The following SYNJ2 variants were observed in gnomAD, a reference collection of about 807,000 sequenced individuals.
The protein encoded by SYNJ2 is synaptojanin 2.
A neutral mutation model predicts 141.3 loss-of-function variants in SYNJ2; 116 were observed. The ratio of observed to expected loss-of-function variants is 0.82; its 90% CI spans 0.71 to 0.96. SYNJ2 has a LOEUF of 0.96. Ranked by LOEUF, SYNJ2 falls within the 40% of genes least tolerant of loss-of-function variation. The pLI is 0.00. For missense variants in SYNJ2, 1,873 were observed against 1,934.8 expected, an observed-to-expected ratio of 0.97 and a Z score of 0.60; for synonymous variants, 745 against 777.7, an observed-to-expected ratio of 0.96 and a Z score of 0.70.
chr6:158,069,594 TAC>T lies in SYNJ2; in HGVS notation c.1863_1864del (p.Ile622SerfsTer62), dbSNP rs1263828058. On this transcript the variant is annotated frameshift_variant, in exon 14 of 27. Transcript: ENST00000355585. LOFTEE classifies it high-confidence loss of function. ...GAAAGCCATCTCACGCTCTCATAGA[TAC>T]ATTCTGTTGACTTCGGCACAGCTGG... ...LQKAISRSHR[Y>X]ILLTSAQLVG... 6.2e-7 allele frequency: 1 copy of T among 1,614,162 alleles called. No homozygotes were observed. The highest frequency in any genetic ancestry group is 1.1e-5 in the South Asian group (1 of 91,088).
intron 7 of SYNJ2, 64 bp from the exon 8 acceptor site, chr6:158,061,928 G>A: frequency 6.5e-7 from 1 of 1,536,140 alleles, no homozygotes; most frequent in Non-Finnish European, 8.9e-7. Context: ...GCTCTGCAAG[G>A]AGCTTGCCCT....
At position 157,982,191 on chromosome 6, in the gene SYNJ2, G is replaced by T. The variant is rs772351717; in HGVS notation, c.127+103G>T. 1 of 1,233,446 alleles carries T rather than the reference G, an allele frequency of 8.1e-7. No homozygotes were observed. The allele number at this position is 1,233,446 out of a possible 1,614,324, so 76.4% of individuals were successfully genotyped here. ...CCCCTTCCCGAGGGGATCGGGCGGC[G>T]CTGGGACTGCCGGGGCGTAGGGGTC... On this transcript the variant is annotated intron_variant, in intron 1 of 26. Coordinates refer to ENST00000355585, the MANE Select transcript of SYNJ2 (RefSeq NM_003898.4). The surrounding 1 kb of genome is among the most constrained non-coding windows in gnomAD (Gnocchi z 4.0).
chr6:158,059,366 T>C lies in SYNJ2; in HGVS notation c.954+13T>C. The C allele has an allele frequency of 6.5e-7, 1 of 1,549,298 alleles. No homozygotes were observed. The highest frequency in any genetic ancestry group is 8.7e-7 in the Non-Finnish European group (1 of 1,146,446). ...CAGAGCCTTCAAGGTAAGGCCAGGC[T>C]GTCCTCTCCACAGCTGGGCTGGGCG... On this transcript the variant is annotated intron_variant, in intron 7 of 26. Coordinates refer to ENST00000355585, the MANE Select transcript of SYNJ2 (RefSeq NM_003898.4).
chr6:157,987,212 C>T (rs530971499), intron 1 of SYNJ2, among the ~76,000 whole-genome samples: 2 of 152,180 alleles, frequency 1.3e-5, no homozygotes, highest in African/African-American at 2.4e-5. Context: ...GTATCGAACT[C>T]CTGACCTCAG....
intron 2 of SYNJ2, among the ~76,000 whole-genome samples, chr6:158,020,774 T>A (rs894289992): frequency 1.3e-5 from 2 of 152,252 alleles, no homozygotes; most frequent in African/African-American, 4.8e-5. Flanking sequence ...CCTTTCAATG[T>A]TTTTAGCTAA....
At chr6:158,031,220 G>C (rs984956246) in intron 3 of SYNJ2, among the ~76,000 whole-genome samples, 1 of 152,232 alleles carries the variant, frequency 6.6e-6, no homozygotes, top group African/African-American at 2.4e-5. Context: ...TTTTAAACCA[G>C]AACTGTCAGG....
chr6:158,016,967 C>T (rs1778485383), intron 1 of SYNJ2: 2 of 1,213,722 alleles, frequency 1.6e-6, no homozygotes, highest in East Asian at 3.8e-5. Context: ...TCCTCCAGCC[C>T]CCAGGAAGCT....
Position 158,084,025 on chromosome 6 carries a change from A to G in SYNJ2, c.3059A>G (p.Asp1020Gly), listed in dbSNP as rs746202119. ...SEGDILEDDE[D>G]YLVDEFNQPG... Reference sequence around the variant, plus strand: ...GGGGATATTCTTGAAGACGATGAAGACTACTTGGTGGATGAATTCAATCAG... The same window carrying G: ...GGGGATATTCTTGAAGACGATGAAGGCTACTTGGTGGATGAATTCAATCAG... Residue 1020 changes from aspartate to glycine, a missense_variant, in exon 22 of 27, where the codon GAC (aspartate) becomes GGC (glycine). Physicochemically the swap from Asp to Gly is moderately conservative, Grantham distance 94 (BLOSUM62 -1). Transcript: ENST00000355585. This position sits in a 1 kb window ranked among gnomAD's most constrained non-coding sequence, Gnocchi z 5.0. 1 of 1,613,990 alleles carries G rather than the reference A, an allele frequency of 6.2e-7. No homozygotes were observed. Among genetic ancestry groups the G allele is most frequent in the African/African-American group, 1.3e-5 (1 of 74,898 alleles).
chr6:158,087,260 G>A (rs552494371), intron 23 of SYNJ2, among the ~76,000 whole-genome samples: 7 of 152,182 alleles, frequency 4.6e-5, no homozygotes, highest in Admixed American at 1.3e-4. Context: ...TCCCTTGGCA[G>A]CATTAGAGGA....
chr6:158,089,931 C>T lies in SYNJ2; in HGVS notation c.3549C>T (p.Leu1183=), dbSNP rs1430023955. Reference sequence around the variant, plus strand: ...AGGCAGAAGCAGCAATCCGGTGTCTCCTGGAAGCCAGAGGAGGTAGGTGCT... The same window carrying T: ...AGGCAGAAGCAGCAATCCGGTGTCTTCTGGAAGCCAGAGGAGGTAGGTGCT... ...AQEAEAAIRC[L]LEARGGASEE... The change falls in exon 25 of 27, where the codon CTC becomes CTT. Residue 1183 remains leucine, a synonymous_variant. Coordinates refer to ENST00000355585, the MANE Select transcript of SYNJ2 (RefSeq NM_003898.4). 6.2e-7 allele frequency: 1 copy of T among 1,613,846 alleles called. No individual in the cohort carries two copies. The highest frequency in any genetic ancestry group is 1.3e-5 in the African/African-American group (1 of 74,912).
At chr6:158,051,976 G>GAAGAAT (rs944355136) in intron 5 of SYNJ2, among the ~76,000 whole-genome samples, 1 of 151,498 alleles carries the variant, frequency 6.6e-6, no homozygotes, top group East Asian at 1.9e-4. Context: ...AAAAGAAGAA[G>GAAGAAT]AAGAATAAGA....
At chr6:158,018,751 C>A (rs551692274) in intron 2 of SYNJ2, among the ~76,000 whole-genome samples, 40 of 152,344 alleles carry the variant, frequency 2.6e-4, no homozygotes, top group African/African-American at 8.7e-4. Context: ...TCTTTGTCCC[C>A]GTTTACAGTA....
chr6:157,982,365 TG>T lies in SYNJ2; in HGVS notation c.127+281del, dbSNP rs1777047374. On this transcript the variant is annotated intron_variant, in intron 1 of 26. Coordinates refer to ENST00000355585, the MANE Select transcript of SYNJ2 (RefSeq NM_003898.4). The surrounding 1 kb of genome is among the most constrained non-coding windows in gnomAD (Gnocchi z 4.0). ...AGGATATGGTTGCTGGATAGCCGGC[TG>T]GGGCGCTTTGCGTATTCATGAGGAT... 6.6e-6 allele frequency among the ~76,000 whole-genome samples: 1 copy of T among 152,218 alleles called. No homozygotes were observed. The highest frequency in any genetic ancestry group is 1.5e-5 in the Non-Finnish European group (1 of 68,026).
chr6:158,074,218 C>T (rs1490231820), intron 15 of SYNJ2, among the ~76,000 whole-genome samples: 5 of 152,160 alleles, frequency 3.3e-5, no homozygotes, highest in East Asian at 3.8e-4. Flanking sequence ...ATTCTCCTAA[C>T]GCTGAATGCT....
At chr6:158,006,443 C>G (rs1778073684) in intron 1 of SYNJ2, among the ~76,000 whole-genome samples, 1 of 152,184 alleles carries the variant, frequency 6.6e-6, no homozygotes, top group South Asian at 2.1e-4. Context: ...CAGCCTCTGA[C>G]CTGCTGACTG....
Position 158,062,003 on chromosome 6 carries a change from G to C in SYNJ2, c.966G>C (p.Trp322Cys). 6.2e-7 allele frequency: 1 copy of C among 1,613,922 alleles called. No homozygotes were observed. The highest frequency in any genetic ancestry group is 8.5e-7 in the Non-Finnish European group (1 of 1,179,978). ...VLNRAFKKLLWASCHAGDTPM... is the reference protein window; with the variant it reads ...VLNRAFKKLLCASCHAGDTPM... ...CCTCCTCTTTTCAGAAGCTGCTCTG[G>C]GCTTCTTGCCACGCGGGCGACACGC... The change falls in exon 8 of 27, where the codon TGG (tryptophan) becomes TGC (cysteine). Residue 322 changes from tryptophan (W) to cysteine (C), a missense_variant. Coordinates refer to ENST00000355585, the MANE Select transcript of SYNJ2 (RefSeq NM_003898.4).
intron 4 of SYNJ2, among the ~76,000 whole-genome samples, chr6:158,042,052 G>A (rs955823921): frequency 6.6e-6 from 1 of 152,196 alleles, no homozygotes; most frequent in Non-Finnish European, 1.5e-5. Flanking sequence ...TACAAATGTT[G>A]GTTTCTTTTC....
At position 158,087,100 on chromosome 6, in the gene SYNJ2, C is replaced by T. The variant is rs1023898543; in HGVS notation, c.3343+111C>T. On this transcript the variant is annotated intron_variant, in intron 23 of 26. Transcript: ENST00000355585. ...CACTTCTCCCCGGCCTTCCGGTCCC[C>T]ACAGGGCTTCCTCCTCCTTGGGCTC... The T allele has an allele frequency of 1.5e-5, 19 of 1,288,370 alleles. No homozygotes were observed. The African/African-American group carries it at 1.8e-4, about 12-fold the overall frequency. 79.8% of individuals were successfully genotyped at this position (1,288,370 alleles called of 1,614,324 possible).
intron 4 of SYNJ2, among the ~76,000 whole-genome samples, chr6:158,039,869 G>A (rs947308803): frequency 6.6e-6 from 1 of 152,170 alleles, no homozygotes; most frequent in African/African-American, 2.4e-5. Flanking sequence ...AGGTCACACT[G>A]GCCTGGGGCC....
Sources: gnomAD v4.1 joint callset for allele counts (sites outside exome capture counted in the v4.1 genomes callset) on GRCh38, gnomAD v4.1.1 for gene constraint, Gnocchi (gnomAD v3.1) non-coding constraint, MANE v1.5 for transcripts, NCBI Gene and HGNC (gene_info 2026-07-23, HGNC 2026-07-21) for gene names.